Variants in GAS2 observed in about 807,000 individuals in gnomAD.
GAS2 encodes the protein growth arrest-specific protein 2.
In GAS2, 20 loss-of-function variants were observed where a neutral mutation model predicts 37.5. That is an observed-to-expected ratio of 0.53 (90% confidence interval 0.37 to 0.77). The LOEUF (loss-of-function observed/expected upper bound fraction) is 0.77, where lower values mean the gene tolerates loss of function less well. GAS2 is among the 30% of genes least tolerant of loss of function. The probability of loss-of-function intolerance (pLI) is 0.00; values close to 1 mark genes in which losing one functional copy is unlikely to be tolerated. For synonymous variants in GAS2, 144 were observed against 132.2 expected, an observed-to-expected ratio of 1.09 and a Z score of -0.61; for missense variants, 336 against 373.4, an observed-to-expected ratio of 0.90 and a Z score of 0.82.
intron 5 of GAS2, among the ~76,000 whole-genome samples, chr11:22,748,294 A>G (rs1292413989): frequency 1.3e-5 from 2 of 152,008 alleles, no homozygotes; most frequent in African/African-American, 4.8e-5. Context: ...TAAATTGATG[A>G]TCCCCAAAAC....
chr11:22,660,405 A>C (rs910229467), intron 1 of GAS2, among the ~76,000 whole-genome samples: 1 of 152,234 alleles, frequency 6.6e-6, no homozygotes, highest in African/African-American at 2.4e-5. Flanking sequence ...TAACAATAAC[A>C]TACCTAACAT....
intron 1 of GAS2, among the ~76,000 whole-genome samples, chr11:22,629,597 T>G (rs141278293): frequency 5.4e-4 from 82 of 152,340 alleles, no homozygotes; most frequent in African/African-American, 1.8e-3. Context: ...TGGCCATTTC[T>G]GTATCTTCTC....
chr11:22,693,831 A>G (rs1375462951), intron 3 of GAS2, among the ~76,000 whole-genome samples: 1 of 152,210 alleles, frequency 6.6e-6, no homozygotes, highest in Non-Finnish European at 1.5e-5. Flanking sequence ...TACTGCCTTC[A>G]TTCAGTGAGC....
chr11:22,749,274 A>G lies in GAS2; in HGVS notation c.615+13A>G, dbSNP rs369033372. ...ACTGGATGATGCAGTAAGTAAAATC[A>G]GTCAGACTTCTTACCAACGGTTAGT... On this transcript the variant is annotated intron_variant, in intron 6 of 7. Transcript: ENST00000454584. The G allele has an allele frequency of 2.5e-6, 4 of 1,608,184 alleles. No homozygotes were observed. In the African/African-American group the frequency reaches 4.0e-5, roughly 16 times the overall value.
upstream of GAS2, among the ~76,000 whole-genome samples, chr11:22,662,881 C>CAA (rs535768570): frequency 6.8e-6 from 1 of 147,562 alleles, no homozygotes; most frequent in African/African-American, 2.6e-5. Flanking sequence ...CGTGTCTCTG[C>CAA]AAAAAAAAAA....
intron 3 of GAS2, among the ~76,000 whole-genome samples, chr11:22,687,353 C>G (rs562837778): frequency 6.6e-6 from 1 of 152,194 alleles, no homozygotes; most frequent in South Asian, 2.1e-4. Flanking sequence ...TAAAATAATA[C>G]TGAGACCTCG....
chr11:22,664,610 G>C (rs973179135), upstream of GAS2, among the ~76,000 whole-genome samples: 2 of 152,058 alleles, frequency 1.3e-5, no homozygotes, highest in African/African-American at 4.8e-5. Flanking sequence ...ATTCACATTA[G>C]AGAAGCTATA....
chr11:22,749,077 A>G (rs1445497295), intron 5 of GAS2, 43 bp from the exon 6 acceptor site: 3 of 1,549,634 alleles, frequency 1.9e-6, no homozygotes, highest in East Asian at 2.3e-5. Flanking sequence ...TAATTGTATC[A>G]TTATAAGTTA....
At chr11:22,792,339 T>C (rs1252419997) in intron 7 of GAS2, among the ~76,000 whole-genome samples, 2 of 152,224 alleles carry the variant, frequency 1.3e-5, no homozygotes, top group East Asian at 3.8e-4. Context: ...ATACACATTT[T>C]TCTCTACTAC....
chr11:22,737,534 G>A (rs1852819494), intron 4 of GAS2, among the ~76,000 whole-genome samples, 171 bp from the exon 5 acceptor site: 1 of 152,126 alleles, frequency 6.6e-6, no homozygotes, highest in South Asian at 2.1e-4. Flanking sequence ...ACTAATTTAA[G>A]CCTTTAGTAG....
chr11:22,653,788 A>G (rs2133836857), intron 1 of GAS2, among the ~76,000 whole-genome samples: 1 of 152,332 alleles, frequency 6.6e-6, no homozygotes, highest in Non-Finnish European at 1.5e-5. Flanking sequence ...GTCTGGAGAG[A>G]ATGGACTCGT....
chr11:22,708,547 C>G (rs185798811), intron 3 of GAS2, among the ~76,000 whole-genome samples: 1,872 of 152,216 alleles, frequency 0.012, 30 homozygotes, highest in African/African-American at 0.043. Flanking sequence ...AACTAAAAAT[C>G]CAGCATTCAA....
intron 3 of GAS2, among the ~76,000 whole-genome samples, chr11:22,716,237 A>C (rs905051373): frequency 2.6e-5 from 4 of 152,198 alleles, no homozygotes; most frequent in African/African-American, 9.7e-5. Flanking sequence ...ATCAGGGAAA[A>C]ATTTAAAACA....
chr11:22,684,019 C>T (rs1452452980), intron 2 of GAS2, among the ~76,000 whole-genome samples: 1 of 152,154 alleles, frequency 6.6e-6, no homozygotes, highest in African/African-American at 2.4e-5. Flanking sequence ...CTCTGGAACT[C>T]TGATTAAAGA....
Position 22,754,460 on chromosome 11 carries a change from A to G in GAS2, c.616-1386A>G, listed in dbSNP as rs376474128. Among the ~76,000 whole-genome samples, 1,224 of 152,220 alleles carry G rather than the reference A, an allele frequency of 8.0e-3. 19 individuals are homozygous for G. The highest frequency in any genetic ancestry group is 0.028 in the African/African-American group (1,170 of 41,560). On this transcript the variant is annotated intron_variant, in intron 6 of 7. Transcript: ENST00000454584. ...GTCAGCAAAATTAAGGATGGCAAAA[A>G]GGACTAATGGCAATGTATATATTAA...
At chr11:22,652,027 GT>G (rs1848783030) in intron 1 of GAS2, among the ~76,000 whole-genome samples, 1 of 152,182 alleles carries the variant, frequency 6.6e-6, no homozygotes, top group Non-Finnish European at 1.5e-5. Context: ...TTTCTGCTCT[GT>G]TTTTTCCCCA....
Position 22,749,228 on chromosome 11 carries a change from A to G in GAS2, c.582A>G (p.Gly194=), listed in dbSNP as rs907490205. 6.2e-7 allele frequency: 1 copy of G among 1,611,644 alleles called. No homozygotes were observed. The highest frequency in any genetic ancestry group is 8.5e-7 in the Non-Finnish European group (1 of 1,178,476). ...CTTCTCCTTCATCAAAGTCTTCTGG[A>G]AAAAAGAGTACAGGAAACTTACTGG... ...PSPSPSSKSS[G]KKSTGNLLDD... The change falls in exon 6 of 8, where the codon GGA becomes GGG. Residue 194 remains glycine, a synonymous_variant. Transcript: ENST00000454584.
At chr11:22,723,426 G>A (rs1430898045) in intron 3 of GAS2, among the ~76,000 whole-genome samples, 1 of 151,944 alleles carries the variant, frequency 6.6e-6, no homozygotes. Flanking sequence ...TATACGCTCA[G>A]TGGTTGTCCT....
intron 7 of GAS2, among the ~76,000 whole-genome samples, chr11:22,801,855 A>G (rs1032807871): frequency 1.3e-5 from 2 of 152,112 alleles, no homozygotes; most frequent in African/African-American, 4.8e-5. Context: ...GTATGACTCT[A>G]TGTCATTCAA....
Sources: allele counts gnomAD v4.1 joint callset (sites outside exome capture counted in the v4.1 genomes callset), GRCh38; gene constraint gnomAD v4.1.1; transcripts MANE v1.5; gene names NCBI Gene and HGNC (gene_info 2026-07-23, HGNC 2026-07-21).